The following SCFD2 variants were observed in gnomAD, a reference collection of about 807,000 sequenced individuals.
SCFD2 encodes sec1 family domain-containing protein 2.
A neutral mutation model predicts 58.9 loss-of-function variants in SCFD2; 54 were observed. That is an observed-to-expected ratio of 0.92 (90% CI 0.74 to 1.15). The LOEUF (loss-of-function observed/expected upper bound fraction) is 1.15, where lower values mean the gene tolerates loss of function less well. Ranked by LOEUF, SCFD2 falls within the 50% of genes most tolerant of loss-of-function variation. SCFD2 has a pLI of 0.00. For synonymous variants in SCFD2, 321 were observed against 335.9 expected (o/e 0.96, Z 0.49); for missense variants, 805 against 836.6 (o/e 0.96, Z 0.47).
At chr4:53,228,077 T>C (rs1308289514) in intron 4 of SCFD2, among the ~76,000 whole-genome samples, 1 of 152,136 alleles carries the variant, frequency 6.6e-6, no homozygotes, top group African/African-American at 2.4e-5. Flanking sequence ...TGTTCCTTCC[T>C]CTGTAAAACA....
chr4:53,187,550 C>T (rs571903295), intron 4 of SCFD2, among the ~76,000 whole-genome samples: 1 of 152,062 alleles, frequency 6.6e-6, no homozygotes, highest in African/African-American at 2.4e-5. Flanking sequence ...CTAGACATAA[C>T]CTAGTGATCT....
intron 4 of SCFD2, among the ~76,000 whole-genome samples, chr4:53,182,735 A>G (rs1197001076): frequency 6.6e-6 from 1 of 152,172 alleles, no homozygotes; most frequent in African/African-American, 2.4e-5. Flanking sequence ...AATGGGAGAA[A>G]ATTTTTGCAA....
chr4:53,062,161 C>G (rs1049733263), intron 5 of SCFD2, among the ~76,000 whole-genome samples: 1 of 151,820 alleles, frequency 6.6e-6, no homozygotes, highest in African/African-American at 2.4e-5. Flanking sequence ...CACTTGAGGT[C>G]AGGAGTTCAA....
At chr4:52,889,820 A>G (rs184387619) in intron 7 of SCFD2, among the ~76,000 whole-genome samples, 10 of 152,194 alleles carry the variant, frequency 6.6e-5, no homozygotes, top group Admixed American at 5.9e-4. Flanking sequence ...ATCATCTTGA[A>G]CTCTAACACT....
At chr4:53,319,539 CT>C (rs1055101283) in intron 2 of SCFD2, among the ~76,000 whole-genome samples, 76 of 108,002 alleles carry the variant, frequency 7.0e-4, no homozygotes, top group Admixed American at 6.3e-4. Context: ...TACTTTTTTT[CT>C]TTTTTTTTTT....
intron 5 of SCFD2, among the ~76,000 whole-genome samples, chr4:53,060,261 T>A (rs554730815): frequency 6.6e-6 from 1 of 152,280 alleles, no homozygotes; most frequent in South Asian, 2.1e-4. Context: ...AAAAAAGTAC[T>A]GTTCTTCGTG....
At chr4:53,207,786 C>T (rs28661921) in intron 4 of SCFD2, among the ~76,000 whole-genome samples, 13,169 of 148,270 alleles carry the variant, frequency 0.089, 1,031 homozygotes, top group South Asian at 0.21. Flanking sequence ...TCTTCTTTCT[C>T]GGGCCATGTG....
intron 6 of SCFD2, among the ~76,000 whole-genome samples, chr4:52,915,888 G>A (rs1014253491): frequency 6.6e-6 from 1 of 152,220 alleles, no homozygotes; most frequent in Non-Finnish European, 1.5e-5. Flanking sequence ...GGCCAGGGCT[G>A]GGCACTGTTG....
At chr4:53,231,575 C>A (rs566078641) in intron 4 of SCFD2, among the ~76,000 whole-genome samples, 23 of 152,136 alleles carry the variant, frequency 1.5e-4, no homozygotes, top group African/African-American at 5.1e-4. Flanking sequence ...TATTCCTATA[C>A]CCAATCAATA....
intron 2 of SCFD2, among the ~76,000 whole-genome samples, chr4:53,340,320 G>A (rs894578500): frequency 3.3e-5 from 5 of 152,172 alleles, no homozygotes; most frequent in African/African-American, 9.7e-5. Flanking sequence ...AACATCTCGC[G>A]ACTGGCTTGG....
At chr4:53,246,356 T>C (rs779640296) in intron 4 of SCFD2, among the ~76,000 whole-genome samples, 11 of 152,190 alleles carry the variant, frequency 7.2e-5, no homozygotes, top group South Asian at 6.2e-4. Context: ...TTAAAATTCA[T>C]ATGGAACAAC....
intron 4 of SCFD2, among the ~76,000 whole-genome samples, chr4:53,238,124 T>TTGC (rs1560403368): frequency 2.4e-5 from 2 of 83,742 alleles, no homozygotes; most frequent in African/African-American, 9.8e-5. Flanking sequence ...CCAGTAGGGG[T>TTGC]GGCCGGGCAG....
At chr4:53,143,167 G>C (rs1018717531) in intron 5 of SCFD2, among the ~76,000 whole-genome samples, 4 of 152,168 alleles carry the variant, frequency 2.6e-5, no homozygotes, top group Admixed American at 2.6e-4. Flanking sequence ...TGAACACCTT[G>C]AGTGAATATC....
chr4:53,078,750 T>C (rs549662034), intron 5 of SCFD2, among the ~76,000 whole-genome samples: 58 of 152,312 alleles, frequency 3.8e-4, no homozygotes, highest in African/African-American at 1.4e-3. Context: ...CCATGTGATC[T>C]GATTCCAATA....
chr4:53,333,627 G>C (rs1733573725), intron 2 of SCFD2, among the ~76,000 whole-genome samples: 1 of 148,384 alleles, frequency 6.7e-6, no homozygotes, highest in Non-Finnish European at 1.5e-5. Context: ...TTAAACGTTA[G>C]ACCTAAAACC....
chr4:52,888,139 T>C (rs1484020518), intron 7 of SCFD2, among the ~76,000 whole-genome samples: 1 of 152,098 alleles, frequency 6.6e-6, no homozygotes, highest in Non-Finnish European at 1.5e-5. Context: ...CTCGATCTCC[T>C]GACCTCATGA....
At chr4:53,122,275 G>T (rs1458318162) in intron 5 of SCFD2, among the ~76,000 whole-genome samples, 1 of 152,122 alleles carries the variant, frequency 6.6e-6, no homozygotes, top group Non-Finnish European at 1.5e-5. Context: ...TACTCAGGAG[G>T]CTGAGAAAGG....
chr4:53,010,856 G>T (rs1722078437), intron 5 of SCFD2, among the ~76,000 whole-genome samples: 1 of 152,116 alleles, frequency 6.6e-6, no homozygotes, highest in Admixed American at 6.5e-5. Flanking sequence ...ATACATAGCA[G>T]CAGGTAGTGT....
In SCFD2 at chr4:53,238,309, A is replaced by AC. The variant is rs1248029404; in HGVS notation, c.1311+35516dup. 2.0e-3 allele frequency among the ~76,000 whole-genome samples: 156 copies of AC among 77,192 alleles called. 3 individuals are homozygous for AC. The highest frequency in any genetic ancestry group is 3.1e-3 in the Non-Finnish European group (126 of 40,700). The allele number at this position is 77,192 out of a possible 152,430, so 50.6% of individuals were successfully genotyped here. ...GGGGCAGCTGGCCGGGTGGGGGCTG[A>AC]CCCCCCCACCTCCCTCCTGGACGGG... On this transcript the variant is annotated intron_variant, in intron 4 of 8. Transcript: ENST00000401642.
Sources: allele counts gnomAD v4.1 joint callset (sites outside exome capture counted in the v4.1 genomes callset), GRCh38; gene constraint gnomAD v4.1.1; transcripts MANE v1.5; gene names NCBI Gene and HGNC (gene_info 2026-07-23, HGNC 2026-07-21).